Variants in NCMAP observed in about 807,000 individuals in gnomAD.
NCMAP encodes the protein non-compact myelin associated protein.
In NCMAP, 8 loss-of-function variants were observed where a neutral mutation model predicts 7.8. The ratio of observed to expected loss-of-function variants is 1.02; its 90% CI spans 0.60 to 1.84. The LOEUF (loss-of-function observed/expected upper bound fraction) is 1.84, where lower values mean the gene tolerates loss of function less well. NCMAP is among the 40% of genes most tolerant of loss of function. The pLI, the probability that NCMAP is intolerant of heterozygous loss-of-function variation, is 0.00. For missense variants in NCMAP, 112 were observed against 131.4 expected (o/e 0.85, Z 0.72); for synonymous variants, 41 against 52.9 (o/e 0.78, Z 0.98).
At chr1:24,595,622 G>T in intron 2 of NCMAP, 110 bp downstream of exon 2, 1 of 786,934 alleles carries the variant, frequency 1.3e-6, no homozygotes. Context: ...CTGGGTCTCA[G>T]GCCCAGTTCT....
chr1:24,574,548 G>A (rs938466711), intron 1 of NCMAP, among the ~76,000 whole-genome samples: 1 of 152,086 alleles, frequency 6.6e-6, no homozygotes, highest in Admixed American at 6.6e-5. Flanking sequence ...CAGCCTCCAC[G>A]ATTGCATAAG....
chr1:24,575,304 GAA>G (rs1423879390), intron 1 of NCMAP, among the ~76,000 whole-genome samples: 2 of 151,632 alleles, frequency 1.3e-5, no homozygotes, highest in Non-Finnish European at 1.5e-5. Context: ...CCTCGGGTTG[GAA>G]AAAAAATAAA....
At chr1:24,595,602 G>A in intron 2 of NCMAP, 90 bp downstream of exon 2, 6 of 1,034,688 alleles carry the variant, frequency 5.8e-6, no homozygotes, top group Non-Finnish European at 5.9e-6. Flanking sequence ...GGGCTCTGGA[G>A]GTGGACTGCC....
At chr1:24,572,147 T>A (rs1378687855) in intron 1 of NCMAP, among the ~76,000 whole-genome samples, 1 of 147,464 alleles carries the variant, frequency 6.8e-6, no homozygotes, top group Non-Finnish European at 1.5e-5. Flanking sequence ...GCGGCGAGCA[T>A]GCTCAGATGT....
At position 24,565,572 on chromosome 1, in the gene NCMAP, T is replaced by TTGTGTGTGTGTG. The variant is rs58714256; in HGVS notation, c.-8+9435_-8+9446dup. On this transcript the variant is annotated intron_variant, in intron 1 of 3. Coordinates refer to ENST00000374392, the MANE Select transcript of NCMAP (RefSeq NM_001010980.5). ...GGCCATTTTTAGAAGTGATAGAAGA[T>TTGTGTGTGTGTG]TGTGTGTGTGTGTGTGTGTGTGTGT... Among the ~76,000 whole-genome samples the TTGTGTGTGTGTG allele has an allele frequency of 1.5e-3, 217 of 143,764 alleles. 2 individuals carry two copies. Among genetic ancestry groups the TTGTGTGTGTGTG allele is most frequent in the African/African-American group, 4.0e-3 (154 of 38,774 alleles). The allele number at this position is 143,764 out of a possible 152,430, so 94.3% of individuals were successfully genotyped here. A position where few individuals can be genotyped will look rare whatever the true frequency, so the allele number is the denominator to read the frequency against.
intron 1 of NCMAP, among the ~76,000 whole-genome samples, chr1:24,557,722 A>T (rs1171107666): frequency 6.6e-6 from 1 of 151,626 alleles, no homozygotes; most frequent in African/African-American, 2.4e-5. Flanking sequence ...GGTTCCCATG[A>T]CCCCTTCATG....
chr1:24,597,278 G>T (rs1652261290), intron 2 of NCMAP, among the ~76,000 whole-genome samples: 1 of 151,862 alleles, frequency 6.6e-6, no homozygotes, highest in African/African-American at 2.4e-5. Context: ...GGCCAAAGTG[G>T]GTGGATTACC....
intron 1 of NCMAP, among the ~76,000 whole-genome samples, chr1:24,575,763 T>A (rs1651537442): frequency 6.6e-6 from 1 of 150,522 alleles, no homozygotes; most frequent in African/African-American, 2.4e-5. Context: ...CTGACCAGCA[T>A]GGTGAAACCC....
chr1:24,583,717 GAAAAA>G (rs71032830), intron 1 of NCMAP, among the ~76,000 whole-genome samples: 1 of 104,072 alleles, frequency 9.6e-6, no homozygotes, highest in Admixed American at 1.2e-4. Context: ...CTCCGTCTCA[GAAAAA>G]AAAAAAAAAA....
chr1:24,557,129 G>C (rs1299482253), intron 1 of NCMAP, among the ~76,000 whole-genome samples: 1 of 152,182 alleles, frequency 6.6e-6, no homozygotes, highest in Non-Finnish European at 1.5e-5. Context: ...GGGCAGGGAT[G>C]ATGCCTATTT....
chr1:24,563,534 C>CAAAAAAAAAAAAAAAAA (rs57911205), intron 1 of NCMAP: 1 of 125,434 alleles, frequency 8.0e-6, no homozygotes. Context: ...AAAACAACAA[C>CAAAAAAAAAAAAAAAAA]AAAAAAAAAA....
chr1:24,579,241 C>T (rs959585282), intron 1 of NCMAP, among the ~76,000 whole-genome samples: 5 of 151,646 alleles, frequency 3.3e-5, no homozygotes, highest in Admixed American at 2.0e-4. Context: ...TGTCCTTTCT[C>T]ATAGCATCCT....
At chr1:24,602,688 G>GC (rs2148939230) in intron 3 of NCMAP, among the ~76,000 whole-genome samples, 1 of 149,240 alleles carries the variant, frequency 6.7e-6, no homozygotes, top group Admixed American at 6.7e-5. Context: ...GATCACTTGA[G>GC]CCCCAGAGTT....
intron 1 of NCMAP, among the ~76,000 whole-genome samples, chr1:24,581,064 G>T (rs1282165038): frequency 2.0e-5 from 3 of 151,654 alleles, no homozygotes; most frequent in Non-Finnish European, 2.9e-5. Context: ...TCAGGATGAA[G>T]CAGAGATGAA....
At chr1:24,571,205 G>A (rs1363170511) in intron 1 of NCMAP, among the ~76,000 whole-genome samples, 1 of 150,750 alleles carries the variant, frequency 6.6e-6, no homozygotes, top group Admixed American at 6.6e-5. Flanking sequence ...GGCTGGGCAC[G>A]GTGGCTCATG....
At chr1:24,558,322 T>C (rs980948567) in intron 1 of NCMAP, among the ~76,000 whole-genome samples, 1 of 152,182 alleles carries the variant, frequency 6.6e-6, no homozygotes, top group Admixed American at 6.5e-5. Context: ...CCACCTAGCA[T>C]GGTGTGTGGC....
At chr1:24,592,954 T>C (rs1411469587) in intron 1 of NCMAP, among the ~76,000 whole-genome samples, 2 of 149,996 alleles carry the variant, frequency 1.3e-5, no homozygotes, top group Non-Finnish European at 3.0e-5. Context: ...CTGAGGCTGG[T>C]GGATCACTTG....
chr1:24,581,261 C>T (rs1651736421), intron 1 of NCMAP, among the ~76,000 whole-genome samples: 1 of 151,980 alleles, frequency 6.6e-6, no homozygotes, highest in African/African-American at 2.4e-5. Flanking sequence ...AAATTACAGG[C>T]ACCCGCCACC....
chr1:24,605,947 G>A lies in NCMAP; in HGVS notation c.*200G>A, dbSNP rs1235457809. 1 of 561,942 alleles carries A rather than the reference G, an allele frequency of 1.8e-6. No homozygotes were observed. Among genetic ancestry groups the A allele is most frequent in the Non-Finnish European group, 3.1e-6 (1 of 326,838 alleles). The allele number at this position is 561,942 out of a possible 1,614,324, so 34.8% of individuals were successfully genotyped here. A position where few individuals can be genotyped will look rare whatever the true frequency, so the allele number is the denominator to read the frequency against. ...CCCCAACTGTGTCCACATCCCTGCC[G>A]CCACCCCACCAAAAAGCTGCAGAAC... On this transcript the variant is annotated 3_prime_UTR_variant, in exon 4 of 4. Transcript: ENST00000374392.
Sources: allele counts gnomAD v4.1 joint callset (sites outside exome capture counted in the v4.1 genomes callset), GRCh38; gene constraint gnomAD v4.1.1; transcripts MANE v1.5; gene names NCBI Gene and HGNC (gene_info 2026-07-23, HGNC 2026-07-21).